GRM8: variants seen among roughly 807,000 people sequenced by gnomAD.
The protein encoded by GRM8 is metabotropic glutamate receptor 8.
GRM8 carries 47 observed loss-of-function variants against 87.2 expected under a neutral mutation model. The ratio of observed to expected loss-of-function variants is 0.54; its 90% CI spans 0.43 to 0.69. The LOEUF (loss-of-function observed/expected upper bound fraction) is 0.69. Ranked by LOEUF, GRM8 falls within the 30% of genes least tolerant of loss-of-function variation. The pLI is 0.00. For missense variants in GRM8, 1,019 were observed against 1,139.2 expected (o/e 0.89, Z 1.52); for synonymous variants, 396 against 404.5 (o/e 0.98, Z 0.25).
At chr7:126,755,518 C>G (rs1816903254) in intron 7 of GRM8, among the ~76,000 whole-genome samples, 1 of 151,926 alleles carries the variant, frequency 6.6e-6, no homozygotes, top group Admixed American at 6.6e-5. Flanking sequence ...ATCAAGAACA[C>G]TGCAGTTTTC....
At chr7:126,608,969 G>A (rs1291324408) in intron 8 of GRM8, among the ~76,000 whole-genome samples, 1 of 151,924 alleles carries the variant, frequency 6.6e-6, no homozygotes, top group African/African-American at 2.4e-5. Context: ...GTTTCACCTT[G>A]TTAGCCAGAT....
intron 9 of GRM8, among the ~76,000 whole-genome samples, chr7:126,472,686 T>C (rs1285046265): frequency 6.6e-6 from 1 of 152,152 alleles, no homozygotes; most frequent in Non-Finnish European, 1.5e-5. Flanking sequence ...GCCACGACAA[T>C]GGGGAAAATG....
At chr7:126,702,296 A>G (rs1448028495) in intron 7 of GRM8, among the ~76,000 whole-genome samples, 2 of 152,190 alleles carry the variant, frequency 1.3e-5, no homozygotes, top group Non-Finnish European at 2.9e-5. Context: ...CATGGGATGG[A>G]CAGGTGTAAT....
chr7:126,508,886 G>A (rs1047074776), intron 9 of GRM8, among the ~76,000 whole-genome samples: 1 of 152,062 alleles, frequency 6.6e-6, no homozygotes, highest in African/African-American at 2.4e-5. Context: ...AATCAGTACT[G>A]TTAGTAGATC....
chr7:127,218,313 G>T (rs1398785363), intron 2 of GRM8, among the ~76,000 whole-genome samples: 3 of 152,184 alleles, frequency 2.0e-5, no homozygotes, highest in African/African-American at 4.8e-5. Context: ...ATGAGGATTT[G>T]AATCCATGTT....
chr7:126,900,156 T>C (rs1801928729), intron 6 of GRM8, among the ~76,000 whole-genome samples: 1 of 152,146 alleles, frequency 6.6e-6, no homozygotes, highest in Admixed American at 6.5e-5. Context: ...GACTTCCTAA[T>C]CTCAAATTTT....
At chr7:126,811,883 C>T (rs1162965057) in intron 6 of GRM8, among the ~76,000 whole-genome samples, 1 of 151,788 alleles carries the variant, frequency 6.6e-6, no homozygotes, top group Non-Finnish European at 1.5e-5. Flanking sequence ...GTGGCTAGGA[C>T]CTCCAGTACT....
chr7:126,597,999 T>C (rs554336888), intron 8 of GRM8, among the ~76,000 whole-genome samples: 9 of 152,078 alleles, frequency 5.9e-5, no homozygotes, highest in Non-Finnish European at 1.0e-4. Context: ...TATAGTGCTA[T>C]TGAACACTAG....
intron 9 of GRM8, among the ~76,000 whole-genome samples, chr7:126,459,454 G>A (rs1007770769): frequency 2.0e-5 from 3 of 151,440 alleles, no homozygotes; most frequent in African/African-American, 7.3e-5. Context: ...CTCATCCTCT[G>A]ACACTTACAT....
chr7:126,842,804 A>G (rs1037242315), intron 6 of GRM8, among the ~76,000 whole-genome samples: 1 of 152,186 alleles, frequency 6.6e-6, no homozygotes, highest in African/African-American at 2.4e-5. Flanking sequence ...GATTCTCCCT[A>G]GAGCCTTCAG....
At position 126,998,143 on chromosome 7, in the gene GRM8, A is replaced by G. The variant is rs192847887; in HGVS notation, c.728-93460T>C. Among the ~76,000 whole-genome samples the G allele has an allele frequency of 3.9e-3, 596 of 152,114 alleles. 1 individual carries two copies. The highest frequency in any genetic ancestry group is 6.2e-3 in the Non-Finnish European group (420 of 67,880). On this transcript the variant is annotated intron_variant, in intron 3 of 10. Coordinates refer to ENST00000339582, the MANE Select transcript of GRM8 (RefSeq NM_000845.3). ...TCAATCAATGTGATATATCATATCA[A>G]CAGAATGAAGGATAAAAACTATATG...
chr7:126,929,345 A>G (rs1805491450), intron 3 of GRM8, among the ~76,000 whole-genome samples: 1 of 152,250 alleles, frequency 6.6e-6, no homozygotes, highest in Non-Finnish European at 1.5e-5. Context: ...TGTTGAAGAC[A>G]GCAGCCACTA....
chr7:126,533,997 T>C, intron 8 of GRM8, 110 bp from the exon 9 acceptor site: 1 of 780,642 alleles, frequency 1.3e-6, no homozygotes. Flanking sequence ...ACAAATACAG[T>C]TTACCATAAT....
intron 7 of GRM8, among the ~76,000 whole-genome samples, chr7:126,727,281 T>A (rs1233089143): frequency 6.6e-6 from 1 of 152,022 alleles, no homozygotes; most frequent in East Asian, 1.9e-4. Flanking sequence ...AACATACTTT[T>A]TAAAAAATGC....
At chr7:126,599,240 G>A (rs531681217) in intron 8 of GRM8, among the ~76,000 whole-genome samples, 2 of 152,224 alleles carry the variant, frequency 1.3e-5, no homozygotes, top group Admixed American at 6.6e-5. Context: ...GCTCCTGTGT[G>A]TAACTTTGGA....
chr7:127,185,598 A>C (rs1794691046), intron 2 of GRM8, among the ~76,000 whole-genome samples: 1 of 149,858 alleles, frequency 6.7e-6, no homozygotes, highest in Admixed American at 6.6e-5. Flanking sequence ...ATAATCTACG[A>C]AAAAAAATTG....
chr7:126,483,024 T>G (rs1806886523), intron 9 of GRM8, among the ~76,000 whole-genome samples: 1 of 150,024 alleles, frequency 6.7e-6, no homozygotes, highest in Non-Finnish European at 1.5e-5. Context: ...TGTTTATGTG[T>G]ATACTTATTT....
At chr7:127,132,860 A>G (rs1827762855) in intron 2 of GRM8, among the ~76,000 whole-genome samples, 1 of 152,212 alleles carries the variant, frequency 6.6e-6, no homozygotes, top group African/African-American at 2.4e-5. Context: ...AGCAGGGCAC[A>G]TAGCATGATC....
chr7:127,145,025 T>G (rs1387307524), intron 2 of GRM8, among the ~76,000 whole-genome samples: 1 of 152,120 alleles, frequency 6.6e-6, no homozygotes, highest in African/African-American at 2.4e-5. Flanking sequence ...ACATAAAAGG[T>G]AGAAGACATT....
Sources: allele counts gnomAD v4.1 joint callset (sites outside exome capture counted in the v4.1 genomes callset), GRCh38; gene constraint gnomAD v4.1.1; transcripts MANE v1.5; gene names NCBI Gene and HGNC (gene_info 2026-07-23, HGNC 2026-07-21).